The following MYO18B variants were observed in gnomAD, a reference collection of about 807,000 sequenced individuals.
MYO18B encodes the protein unconventional myosin-XVIIIb.
A neutral mutation model predicts 273.0 loss-of-function variants in MYO18B; 204 were observed. That is an observed-to-expected ratio of 0.75 (90% CI 0.67 to 0.84). MYO18B has a LOEUF of 0.84. Ranked by LOEUF, MYO18B falls within the 40% of genes least tolerant of loss-of-function variation. The pLI is 0.00. For missense variants in MYO18B, 3,212 were observed against 3,287.6 expected (o/e 0.98, Z 0.56); for synonymous variants, 1,330 against 1,305.7 (o/e 1.02, Z -0.40).
chr22:25,955,857 C>T (rs1443045308), intron 39 of MYO18B, among the ~76,000 whole-genome samples: 2 of 152,140 alleles, frequency 1.3e-5, no homozygotes, highest in East Asian at 3.8e-4. Flanking sequence ...AAGGCCACAT[C>T]TAGTAAACAT....
chr22:26,052,118 T>C, the MYO18B span, among the ~76,000 whole-genome samples: 1 of 152,228 alleles, frequency 6.6e-6, no homozygotes, highest in African/African-American at 2.4e-5. Flanking sequence ...GGTGTATTTT[T>C]CTTCTTGTTG....
intron 17 of MYO18B, among the ~76,000 whole-genome samples, chr22:25,835,798 T>C (rs775516297): frequency 2.9e-4 from 44 of 152,208 alleles, no homozygotes; most frequent in Non-Finnish European, 5.6e-4. Context: ...CAGTGGGAGA[T>C]GCGTGCAGAT....
In MYO18B at chr22:25,914,986, C is replaced by T. The variant is rs368333006; in HGVS notation, c.5364+3936C>T. On this transcript the variant is annotated intron_variant, in intron 33 of 43. Coordinates refer to ENST00000335473, the MANE Select transcript of MYO18B (RefSeq NM_032608.7). Reference sequence around the variant, plus strand: ...TGCTGGGATTACAGGCATGAAACACCGCGCCCGGCCAGTTTTGACTCTTGA... The same window carrying T: ...TGCTGGGATTACAGGCATGAAACACTGCGCCCGGCCAGTTTTGACTCTTGA... Among the ~76,000 whole-genome samples, 93 of 151,618 alleles carry T rather than the reference C, an allele frequency of 6.1e-4. No individual in the cohort carries two copies. The South Asian group carries it at 0.018, about 29-fold the overall frequency.
intron 42 of MYO18B, among the ~76,000 whole-genome samples, chr22:26,025,304 T>C (rs1936156381): frequency 6.6e-6 from 1 of 152,236 alleles, no homozygotes; most frequent in East Asian, 1.9e-4. Context: ...TGGTCAGTTC[T>C]ATTTCTCCTA....
Position 26,027,772 on chromosome 22 carries a change from C to A in MYO18B, c.*12+82C>A. 7.2e-7 allele frequency: 1 copy of A among 1,384,806 alleles called. No homozygotes were observed. Among genetic ancestry groups the A allele is most frequent in the Non-Finnish European group, 9.6e-7 (1 of 1,041,166 alleles). 85.8% of individuals were successfully genotyped at this position (1,384,806 alleles called of 1,614,324 possible). On this transcript the variant is annotated intron_variant, in intron 43 of 43. Transcript: ENST00000335473. This position sits in a 1 kb window ranked among gnomAD's most constrained non-coding sequence, Gnocchi z 4.1. ...TGGGGAGAGCAGGTGCCACTACTGT[C>A]CTTAATGCCACAACCGATTTCTCTA...
chr22:25,898,274 A>G (rs753280414), intron 28 of MYO18B, 33 bp from the exon 29 acceptor site: 9 of 1,596,912 alleles, frequency 5.6e-6, no homozygotes, highest in African/African-American at 2.7e-5. Context: ...CCATGCCCAC[A>G]GAGCCGGGTA....
intron 33 of MYO18B, among the ~76,000 whole-genome samples, chr22:25,915,048 A>T (rs971251133): frequency 6.6e-6 from 1 of 150,676 alleles, no homozygotes; most frequent in African/African-American, 2.4e-5. Context: ...AACAAATTTA[A>T]AAAAAAAAAT....
At chr22:25,843,192 C>T (rs1393085905) in intron 17 of MYO18B, among the ~76,000 whole-genome samples, 1 of 152,040 alleles carries the variant, frequency 6.6e-6, no homozygotes, top group Non-Finnish European at 1.5e-5. Context: ...TTTCTCCCAC[C>T]CTGTCTCTTG....
intron 12 of MYO18B, among the ~76,000 whole-genome samples, chr22:25,819,514 T>G (rs956113214): frequency 6.7e-6 from 1 of 150,220 alleles, no homozygotes; most frequent in Non-Finnish European, 1.5e-5. Context: ...TGCCTCTCTC[T>G]AATATTTGCT....
chr22:25,807,616 G>A (rs943156247), intron 12 of MYO18B, among the ~76,000 whole-genome samples: 1 of 152,120 alleles, frequency 6.6e-6, no homozygotes, highest in South Asian at 2.1e-4. Context: ...CTTCCTTATG[G>A]CATGGTGGCT....
At chr22:25,826,118 A>C (rs1359844988) in intron 13 of MYO18B, among the ~76,000 whole-genome samples, 1 of 152,192 alleles carries the variant, frequency 6.6e-6, no homozygotes, top group African/African-American at 2.4e-5. Context: ...AGTGGTGGTG[A>C]TGGTGGTAGT....
At chr22:25,772,569 A>T (rs1303497266) in intron 7 of MYO18B, 59 bp downstream of exon 7, 4 of 1,493,400 alleles carry the variant, frequency 2.7e-6, no homozygotes, top group Non-Finnish European at 3.6e-6. Context: ...GCCTGGGGGG[A>T]TCCCTCTGCA....
At position 25,768,184 on chromosome 22, in the gene MYO18B, A is replaced by T. The variant is rs2086573725; in HGVS notation, c.268A>T (p.Ile90Phe). 6.2e-7 allele frequency: 1 copy of T among 1,613,566 alleles called. No homozygotes were observed. The highest frequency in any genetic ancestry group is 1.3e-5 in the African/African-American group (1 of 74,924). The change falls in exon 4 of 44, where the codon ATC becomes TTC. Residue 90 changes from isoleucine (I) to phenylalanine (F), a missense_variant. Coordinates refer to ENST00000335473, the MANE Select transcript of MYO18B (RefSeq NM_032608.7). ...SSGTRSGSQQ[I>F]SQDDQSSSPG... ...TGGCACCAGATCTGGAAGCCAGCAG[A>T]TCTCTCAGGACGACCAGTCAAGCTC...
chr22:25,771,361 G>A (rs1453796356), intron 6 of MYO18B, among the ~76,000 whole-genome samples: 2 of 152,212 alleles, frequency 1.3e-5, no homozygotes, highest in African/African-American at 4.8e-5. Context: ...CTGGCCGCCA[G>A]GGAACTCAGA....
Position 25,975,308 on chromosome 22 carries a change from G to A in MYO18B, c.6157-17055G>A, listed in dbSNP as rs113645495. On this transcript the variant is annotated intron_variant, in intron 39 of 43. Transcript: ENST00000335473. ...AGTGGCTGATATAATTTCAGACTCC[G>A]TCAAAAGGAAGATCGCAAAAGTGTA... Among the ~76,000 whole-genome samples, 205 of 152,268 alleles carry A rather than the reference G, an allele frequency of 1.3e-3. 2 individuals carry two copies. The East Asian group carries it at 0.021, about 15-fold the overall frequency.
chr22:25,779,222 T>A (rs528639839), intron 8 of MYO18B, among the ~76,000 whole-genome samples: 1 of 152,328 alleles, frequency 6.6e-6, no homozygotes, highest in Non-Finnish European at 1.5e-5. Context: ...GGGAATATTG[T>A]GTTTCTAATA....
At chr22:25,829,950 GTC>G (rs1299788981) in intron 15 of MYO18B, among the ~76,000 whole-genome samples, 5 of 152,130 alleles carry the variant, frequency 3.3e-5, no homozygotes, top group African/African-American at 4.8e-5. Context: ...ACATACGTGT[GTC>G]TCTATCACCC....
chr22:25,879,479 G>A (rs2091282845), intron 25 of MYO18B, among the ~76,000 whole-genome samples: 1 of 152,118 alleles, frequency 6.6e-6, no homozygotes, highest in Non-Finnish European at 1.5e-5. Flanking sequence ...CCTGGGGTAC[G>A]GTCATGTGAC....
At chr22:25,787,650 A>G (rs2087459065) in intron 11 of MYO18B, among the ~76,000 whole-genome samples, 1 of 152,198 alleles carries the variant, frequency 6.6e-6, no homozygotes, top group Admixed American at 6.5e-5. Context: ...AATTTCTTTC[A>G]TTCTCAAAAC....
Sources: gnomAD v4.1 joint callset for allele counts (sites outside exome capture counted in the v4.1 genomes callset) on GRCh38, gnomAD v4.1.1 for gene constraint, Gnocchi (gnomAD v3.1) non-coding constraint, MANE v1.5 for transcripts, NCBI Gene and HGNC (gene_info 2026-07-23, HGNC 2026-07-21) for gene names.